The following PLAU variants were observed in gnomAD, a reference collection of about 807,000 sequenced individuals.
The protein encoded by PLAU is urokinase-type plasminogen activator.
Under a neutral mutation model 48.9 loss-of-function variants are expected in PLAU, and 32 were observed. That is an observed-to-expected ratio of 0.65 (90% CI 0.49 to 0.88). PLAU has a LOEUF of 0.88. Ranked by LOEUF, PLAU falls within the 40% of genes least tolerant of loss-of-function variation. The pLI is 0.00. For synonymous variants in PLAU, 199 were observed against 205.7 expected (o/e 0.97, Z 0.28); for missense variants, 455 against 545.2 (o/e 0.83, Z 1.65).
upstream of PLAU, among the ~76,000 whole-genome samples, chr10:73,909,022 G>T (rs944894742): frequency 6.6e-6 from 1 of 151,924 alleles, no homozygotes; most frequent in Non-Finnish European, 1.5e-5. Context: ...GAGTGCTAAA[G>T]ATTAGCGCAT....
upstream of PLAU, among the ~76,000 whole-genome samples, chr10:73,908,841 GA>G (rs1458092329): frequency 7.9e-6 from 1 of 125,858 alleles, no homozygotes; most frequent in Non-Finnish European, 1.6e-5. Flanking sequence ...CTGGGTGACA[GA>G]CCGAGACTCC....
rs2096122909 is a variant in PLAU at position 73,911,148 on chromosome 10, A to AG, written c.-101dup. On this transcript the variant is annotated 5_prime_UTR_variant, in exon 1 of 11. Transcript: ENST00000372764. Reference sequence around the variant, plus strand: ...GGTCGCAGCACAGTGCGGAGACCGCAGCCCCGGAGCCCGGGCCAGGGTCCA... The same window carrying AG: ...GGTCGCAGCACAGTGCGGAGACCGCAGGCCCCGGAGCCCGGGCCAGGGTCCA... 1 of 232,356 alleles carries AG rather than the reference A, an allele frequency of 4.3e-6. No individual in the cohort carries two copies. The highest frequency in any genetic ancestry group is 2.3e-5 in the African/African-American group (1 of 42,572). 14.4% of individuals were successfully genotyped at this position (232,356 alleles called of 1,614,324 possible). A position where few individuals can be genotyped will look rare whatever the true frequency, so the allele number is the denominator to read the frequency against.
rs1400976853 is a variant in PLAU, at chr10:73,911,527, C to A, written c.-29C>A. ...CCTGACTTCTCCTTCCTTTGCAGAG[C>A]CGCCGTCTAGCGCCCCGACCTCGCC... On this transcript the variant is annotated splice_region_variant and 5_prime_UTR_variant, in exon 2 of 11. Coordinates refer to ENST00000372764, the MANE Select transcript of PLAU (RefSeq NM_002658.6). 1 of 1,608,022 alleles carries A rather than the reference C, an allele frequency of 6.2e-7. No individual in the cohort carries two copies.
At chr10:73,912,009 T>G in intron 2 of PLAU, 32 bp from the exon 3 acceptor site, 1 of 1,614,070 alleles carries the variant, frequency 6.2e-7, no homozygotes, top group East Asian at 2.2e-5. Context: ...GCATGGGACC[T>G]TTGATGAAGC....
At position 73,915,921 on chromosome 10, in the gene PLAU, G is replaced by C. The variant is rs1181532834; in HGVS notation, c.1120-468G>C. ...ATGACAGGGCTTTTAAAGCCAAGCA[G>C]GGGATTTTAAACTTGATGTGGTAGA... On this transcript the variant is annotated intron_variant, in intron 10 of 10. Transcript: ENST00000372764. Among the ~76,000 whole-genome samples the C allele has an allele frequency of 2.0e-5, 3 of 152,154 alleles. No individual in the cohort carries two copies. The East Asian group carries it at 5.8e-4, about 29-fold the overall frequency.
intron 9 of PLAU, 30 bp from the exon 10 acceptor site, chr10:73,915,221 T>C (rs2096133978): frequency 6.3e-7 from 1 of 1,597,908 alleles, no homozygotes; most frequent in Non-Finnish European, 8.5e-7. Flanking sequence ...TAAATCTTGA[T>C]GCAAACGCCT....
chr10:73,913,449 A>G lies in PLAU; in HGVS notation c.460+68A>G, dbSNP rs544571649. 47 of 1,558,982 alleles carry G rather than the reference A, an allele frequency of 3.0e-5. No homozygotes were observed. In the African/African-American group the frequency reaches 5.4e-4, roughly 18 times the overall value. ...ACAAACTTACATGTCCCCTTATTCC[A>G]TCACAGGAGGACTGAGGAGGTGGGG... On this transcript the variant is annotated intron_variant, in intron 6 of 10. Transcript: ENST00000372764.
chr10:73,914,476 A>G (rs957764803), intron 8 of PLAU, among the ~76,000 whole-genome samples: 1 of 152,204 alleles, frequency 6.6e-6, no homozygotes, highest in African/African-American at 2.4e-5. Context: ...AGGATATAGA[A>G]CTTGGAGAAT....
intron 4 of PLAU, among the ~76,000 whole-genome samples, chr10:73,912,554 A>C (rs114299227): frequency 2.5e-3 from 379 of 152,338 alleles, no homozygotes; most frequent in African/African-American, 8.8e-3. Flanking sequence ...CGACATCTTT[A>C]AAATGTCCGT....
In PLAU at chr10:73,913,281, T is replaced by C; in HGVS notation, c.369-9T>C. ...TGGAATGACATCCCCTATCTTTCTG[T>C]GTTGCCAGGAACCCAGACAACCGGA... On this transcript the variant is annotated splice_polypyrimidine_tract_variant and intron_variant, in intron 5 of 10. Coordinates refer to ENST00000372764, the MANE Select transcript of PLAU (RefSeq NM_002658.6). 1 of 1,613,804 alleles carries C rather than the reference T, an allele frequency of 6.2e-7. No homozygotes were observed. Among genetic ancestry groups the C allele is most frequent in the Non-Finnish European group, 8.5e-7 (1 of 1,179,688 alleles).
At chr10:73,911,322 C>T (rs2096123415) in intron 1 of PLAU, 104 bp downstream of exon 1, 4 of 616,516 alleles carry the variant, frequency 6.5e-6, no homozygotes, top group African/African-American at 1.9e-5. Flanking sequence ...CTGGGCTCCC[C>T]GGCGGCTGCA....
chr10:73,911,868 T>A, intron 2 of PLAU, 173 bp from the exon 3 acceptor site: 1 of 1,554,524 alleles, frequency 6.4e-7, no homozygotes, highest in Middle Eastern at 1.7e-4. Flanking sequence ...CTTGGGTCAA[T>A]CCATTTCTCC....
intron 10 of PLAU, among the ~76,000 whole-genome samples, chr10:73,915,934 T>C (rs2096135801): frequency 6.6e-6 from 1 of 152,016 alleles, no homozygotes; most frequent in South Asian, 2.1e-4. Flanking sequence ...GATTTTAAAC[T>C]TGATGTGGTA....
At position 73,915,144 on chromosome 10, in the gene PLAU, G is replaced by T. The variant is rs1345954896; in HGVS notation, c.971-107G>T. 3 of 1,251,734 alleles carry T rather than the reference G, an allele frequency of 2.4e-6. No homozygotes were observed. In the East Asian group the frequency reaches 7.0e-5, roughly 29 times the overall value. 77.5% of individuals were successfully genotyped at this position (1,251,734 alleles called of 1,614,324 possible). On this transcript the variant is annotated intron_variant, in intron 9 of 10. Transcript: ENST00000372764. Reference sequence around the variant, plus strand: ...TAAAGGCTCAGATTTGCATGGAAGAGAATAAGGGCCTTCCCTGGTAGAGAT... The same window carrying T: ...TAAAGGCTCAGATTTGCATGGAAGATAATAAGGGCCTTCCCTGGTAGAGAT...
At chr10:73,913,471 G>C in intron 6 of PLAU, 68 bp from the exon 7 acceptor site, 1 of 1,539,264 alleles carries the variant, frequency 6.5e-7, no homozygotes, top group East Asian at 2.3e-5. Context: ...CTGAGGAGGT[G>C]GGGGGTGCCC....
chr10:73,916,915 T>A lies in PLAU; in HGVS notation c.*350T>A. On this transcript the variant is annotated 3_prime_UTR_variant, in exon 11 of 11. Coordinates refer to ENST00000372764, the MANE Select transcript of PLAU (RefSeq NM_002658.6). ...CAGCTCCCCCGACGGTGGGCATTTG[T>A]GAGGCCCATGGTTGAGAAATGAATA... 4.5e-6 allele frequency: 1 copy of A among 224,044 alleles called. No homozygotes were observed. The highest frequency in any genetic ancestry group is 8.9e-6 in the Non-Finnish European group (1 of 112,524). 13.9% of individuals were successfully genotyped at this position (224,044 alleles called of 1,614,324 possible). A position where few individuals can be genotyped will look rare whatever the true frequency, so the allele number is the denominator to read the frequency against.
intron 1 of PLAU, 121 bp from the exon 2 acceptor site, chr10:73,911,404 G>C: frequency 1.9e-6 from 2 of 1,052,264 alleles, no homozygotes; most frequent in Non-Finnish European, 2.8e-6. Context: ...CCGGAGCCCA[G>C]AGAGGAGAGA....
At position 73,913,111 on chromosome 10, in the gene PLAU, C is replaced by T; in HGVS notation, c.368+13C>T. 1.9e-6 allele frequency: 3 copies of T among 1,610,168 alleles called. No individual in the cohort carries two copies. The highest frequency in any genetic ancestry group is 2.5e-6 in the Non-Finnish European group (3 of 1,177,892). ...ATAATTACTGCAGGTGAGGTGGGGGCAACAAGGACCAAAAGCCCTCCCTAC... is the reference window on the plus strand; with the variant it reads ...ATAATTACTGCAGGTGAGGTGGGGGTAACAAGGACCAAAAGCCCTCCCTAC... On this transcript the variant is annotated intron_variant, in intron 5 of 10. Transcript: ENST00000372764.
chr10:73,911,734 C>G, intron 2 of PLAU, 122 bp downstream of exon 2: 1 of 1,555,568 alleles, frequency 6.4e-7, no homozygotes, highest in Non-Finnish European at 8.7e-7. Context: ...GCCAGACTCT[C>G]CCCAGGAAAT....
Sources: gnomAD v4.1 joint callset for allele counts (sites outside exome capture counted in the v4.1 genomes callset) on GRCh38, gnomAD v4.1.1 for gene constraint, MANE v1.5 for transcripts, NCBI Gene and HGNC (gene_info 2026-07-23, HGNC 2026-07-21) for gene names.